MAPK6: variants seen among roughly 807,000 people sequenced by gnomAD.
MAPK6 encodes the protein ERK-3.
MAPK6 carries 19 observed loss-of-function variants against 59.3 expected under a neutral mutation model. The ratio of observed to expected loss-of-function variants is 0.32; its 90% confidence interval spans 0.22 to 0.47. The LOEUF (loss-of-function observed/expected upper bound fraction) is 0.47. Ranked by LOEUF, MAPK6 falls within the 20% of genes least tolerant of loss-of-function variation. The pLI, the probability that MAPK6 is intolerant of heterozygous loss-of-function variation, is 1.00. For synonymous variants in MAPK6, 316 were observed against 290.3 expected (o/e 1.09, Z -0.90); for missense variants, 724 against 847.9 (o/e 0.85, Z 1.81).
chr15:52,061,931 T>C (rs1393937860), intron 5 of MAPK6, among the ~76,000 whole-genome samples: 2 of 152,148 alleles, frequency 1.3e-5, no homozygotes, highest in African/African-American at 4.8e-5. Flanking sequence ...TAAAGTCCTT[T>C]AACTGTGATT....
In MAPK6 at chr15:51,997,660, G is replaced by A. The variant is rs187506503; in HGVS notation, c.-769-6605G>A. Among the ~76,000 whole-genome samples the A allele has an allele frequency of 1.3e-4, 19 of 143,000 alleles. No individual in the cohort carries two copies. In the East Asian group the frequency reaches 3.9e-3, roughly 30 times the overall value. The allele number at this position is 143,000 out of a possible 152,430, so 93.8% of individuals were successfully genotyped here. ...GGCTGGAATGCAATGGCGTGATCTC[G>A]GCTCACTGCAAACTCTGCCTCCCGG... On this transcript the variant is annotated intron_variant, in intron 2 of 7. Coordinates refer to the MAPK6 transcript ENST00000691380.
rs377145955 is a variant in MAPK6, at chr15:52,036,668, C to T, written c.-631-9162C>T. ...GACACATTCAAAGCATGGCACGGGC[C>T]TAGTGAAAGACTGGACTCTTTCAGT... On this transcript the variant is annotated intron_variant, in intron 1 of 5. Coordinates refer to ENST00000261845, the MANE Select transcript of MAPK6 (RefSeq NM_002748.4). Among the ~76,000 whole-genome samples the T allele has an allele frequency of 4.6e-5, 7 of 152,330 alleles. No homozygotes were observed. In the South Asian group the frequency reaches 1.0e-3, roughly 23 times the overall value.
chr15:52,001,434 C>T (rs2057241571), intron 2 of MAPK6, among the ~76,000 whole-genome samples: 1 of 151,994 alleles, frequency 6.6e-6, no homozygotes. Flanking sequence ...GCTAGTACCA[C>T]ACTTTTCATT....
intron 4 of MAPK6, among the ~76,000 whole-genome samples, chr15:52,060,727 T>C (rs2032167301): frequency 6.6e-6 from 1 of 152,158 alleles, no homozygotes; most frequent in African/African-American, 2.4e-5. Flanking sequence ...AAGGTCAGTG[T>C]GTGAACTATG....
Position 52,038,463 on chromosome 15 carries a change from A to T in MAPK6, c.-631-7367A>T, listed in dbSNP as rs551403657. On this transcript the variant is annotated intron_variant, in intron 1 of 5. Transcript: ENST00000261845. ...GCTTTTTTGCCAGTGAGATAGTCTT[A>T]CTTTTCTCTGCTACATTGCATGTAA... is the stretch of plus-strand genomic sequence containing the variant. 2.6e-5 allele frequency among the ~76,000 whole-genome samples: 4 copies of T among 152,322 alleles called. No homozygotes were observed. The South Asian group carries it at 8.3e-4, about 32-fold the overall frequency.
At chr15:51,971,972 G>T (rs917756444) in intron 1 of MAPK6, among the ~76,000 whole-genome samples, 23 of 152,128 alleles carry the variant, frequency 1.5e-4, no homozygotes, top group Non-Finnish European at 2.9e-4. Context: ...TCTTACCAGG[G>T]GGCGGGGGGG....
At position 52,046,865 on chromosome 15, in the gene MAPK6, G is replaced by C. The variant is rs2031607802; in HGVS notation, c.405G>C (p.Gln135His). 1 of 1,613,974 alleles carries C rather than the reference G, an allele frequency of 6.2e-7. No individual in the cohort carries two copies. The highest frequency in any genetic ancestry group is 8.5e-7 in the Non-Finnish European group (1 of 1,180,004). ...AGCATGCCAGGCTTTTCATGTATCA[G>C]CTGCTACGGGGGCTCAAGTATATTC... ...LEEHARLFMY[Q>H]LLRGLKYIHS... Residue 135 changes from glutamine (Q) to histidine (H), a missense_variant, in exon 2 of 6, where the codon CAG (glutamine) becomes CAC (histidine). By Grantham distance (24) the Gln-to-His change is conservative (BLOSUM62 0). Coordinates refer to ENST00000261845, the MANE Select transcript of MAPK6 (RefSeq NM_002748.4).
At chr15:52,047,622 A>C (rs1455002050) in intron 2 of MAPK6, among the ~76,000 whole-genome samples, 1 of 150,496 alleles carries the variant, frequency 6.6e-6, no homozygotes, top group East Asian at 1.9e-4. Flanking sequence ...CTAGGATTAC[A>C]GGTGTGAGCC....
At position 52,064,101 on chromosome 15, in the gene MAPK6, C is replaced by G. The variant is rs374575355; in HGVS notation, c.1267C>G (p.Pro423Ala). The stretch of plus-strand genomic sequence containing the variant: ...TTTTGATACCAATTACTCTACTGAG[C>G]CTTGTTGGCAATACTCAGATCATCA... ...PAFDTNYSTE[P>A]CWQYSDHHEN... is the part of the protein sequence containing the mutation. Residue 423 changes from proline to alanine, a missense_variant, in exon 6 of 6, where the codon CCT becomes GCT. Physicochemically the swap from Pro to Ala is conservative, Grantham distance 27 (BLOSUM62 -1). Coordinates refer to ENST00000261845, the MANE Select transcript of MAPK6 (RefSeq NM_002748.4). 6.8e-6 allele frequency: 11 copies of G among 1,611,582 alleles called. No individual in the cohort carries two copies. In the African/African-American group the frequency reaches 1.5e-4, roughly 22 times the overall value.
At chr15:52,058,838 T>TAACCCTCAC in intron 4 of MAPK6, 41 bp downstream of exon 4, 1 of 1,533,628 alleles carries the variant, frequency 6.5e-7, no homozygotes, top group Non-Finnish European at 8.8e-7. Context: ...AATGCCTGTG[T>TAACCCTCAC]GTGAGGCAGA....
At position 52,066,916 on chromosome 15, in the gene MAPK6, A is replaced by C. The variant is rs2141144319; in HGVS notation, c.*1916A>C. On this transcript the variant is annotated 3_prime_UTR_variant, in exon 6 of 6. Transcript: ENST00000261845. ...CATGAGAATTGATTTGTGGGGAAAAAAAAAATGGGACACTTTTAGTTGGAG... is the reference window on the plus strand; with the variant it reads ...CATGAGAATTGATTTGTGGGGAAAACAAAAATGGGACACTTTTAGTTGGAG... 6.6e-6 allele frequency: 1 copy of C among 152,258 alleles called. No homozygotes were observed. Among genetic ancestry groups the C allele is most frequent in the East Asian group, 1.9e-4 (1 of 5,190 alleles). The allele number at this position is 152,258 out of a possible 1,614,324, so 9.4% of individuals were successfully genotyped here.
intron 2 of MAPK6, among the ~76,000 whole-genome samples, chr15:51,997,345 C>G (rs1340643700): frequency 1.3e-5 from 2 of 151,020 alleles, no homozygotes; most frequent in African/African-American, 4.9e-5. Flanking sequence ...AATCTTGGCT[C>G]ACTGCGACCT....
intron 1 of MAPK6, among the ~76,000 whole-genome samples, chr15:52,044,894 T>C (rs1026740321): frequency 2.6e-5 from 4 of 151,614 alleles, no homozygotes; most frequent in East Asian, 1.9e-4. Flanking sequence ...GGGTAATCAT[T>C]ATGAATTTGG....
At chr15:52,028,350 GTGC>G (rs1364451288) in intron 1 of MAPK6, among the ~76,000 whole-genome samples, 1 of 152,148 alleles carries the variant, frequency 6.6e-6, no homozygotes, top group African/African-American at 2.4e-5. Context: ...GCCTCCCAAA[GTGC>G]TGGGATTACA....
intron 1 of MAPK6, among the ~76,000 whole-genome samples, chr15:52,036,571 A>G (rs2031248266): frequency 6.6e-6 from 1 of 152,178 alleles, no homozygotes; most frequent in South Asian, 2.1e-4. Context: ...GTGATTAATA[A>G]TCACCACTTA....
chr15:51,996,543 G>A (rs1435230392), intron 2 of MAPK6, among the ~76,000 whole-genome samples: 2 of 151,894 alleles, frequency 1.3e-5, no homozygotes, highest in African/African-American at 4.8e-5. Flanking sequence ...TTACAGGCAT[G>A]TGCCACCATG....
intron 2 of MAPK6, 97 bp downstream of exon 2, chr15:52,047,112 T>A: frequency 1.1e-6 from 1 of 888,156 alleles, no homozygotes; most frequent in Non-Finnish European, 1.6e-6. Flanking sequence ...GCAGAATTTT[T>A]AATCTTATTA....
At chr15:51,972,356 C>G (rs2057134475) in intron 1 of MAPK6, among the ~76,000 whole-genome samples, 1 of 151,670 alleles carries the variant, frequency 6.6e-6, no homozygotes, top group African/African-American at 2.4e-5. Flanking sequence ...CCAGGCTGGT[C>G]GCAAACTCAG....
At chr15:52,019,195 T>G (rs1316593610), upstream of MAPK6, 1 of 151,468 alleles carries the variant, frequency 6.6e-6, no homozygotes, top group African/African-American at 2.4e-5. Context: ...TGAGGGGGCG[T>G]GGCACCGCGA....
Sources: gnomAD v4.1 joint callset for allele counts (sites outside exome capture counted in the v4.1 genomes callset) on GRCh38, gnomAD v4.1.1 for gene constraint, MANE v1.5 for transcripts, NCBI Gene and HGNC (gene_info 2026-07-23, HGNC 2026-07-21) for gene names.